Variants in ZNF385D observed in about 807,000 individuals in gnomAD.
The protein encoded by ZNF385D is zinc finger protein 385D, also known as zinc finger protein 659.
ZNF385D carries 15 observed loss-of-function variants against 35.8 expected under a neutral mutation model. That is an observed-to-expected ratio of 0.42 (90% CI 0.28 to 0.64). The LOEUF is 0.64. Among genes scored for constraint, ZNF385D ranks in the 30% least tolerant of loss-of-function variants. The pLI is 0.23. For missense variants in ZNF385D, 474 were observed against 494.6 expected (o/e 0.96, Z 0.39); for synonymous variants, 212 against 186.8 (o/e 1.13, Z -1.10).
intron 3 of ZNF385D, among the ~76,000 whole-genome samples, chr3:21,969,443 A>G (rs1362848285): frequency 6.6e-6 from 1 of 152,100 alleles, no homozygotes; most frequent in East Asian, 1.9e-4. Flanking sequence ...AGGAGGTCCT[A>G]GCTTTCTCTT....
chr3:21,798,864 A>G (rs1477270497), intron 3 of ZNF385D, among the ~76,000 whole-genome samples: 1 of 152,212 alleles, frequency 6.6e-6, no homozygotes, highest in African/African-American at 2.4e-5. Flanking sequence ...AGCATTTACT[A>G]AATTCACAAT....
At chr3:22,372,539 CGCCCTG>C in exon 2 of ZNF385D, 1 of 985,862 alleles carries the variant, frequency 1.0e-6, no homozygotes, top group Non-Finnish European at 1.2e-6. Context: ...GGCCGCCCGG[CGCCCTG>C]GCCCTGGCAT....
chr3:22,064,600 T>A (rs1372680532), intron 3 of ZNF385D, among the ~76,000 whole-genome samples: 1 of 152,178 alleles, frequency 6.6e-6, no homozygotes, highest in Non-Finnish European at 1.5e-5. Flanking sequence ...GGATTGCTAT[T>A]CAACCTTATA....
intron 3 of ZNF385D, among the ~76,000 whole-genome samples, chr3:22,154,853 C>G (rs1388291918): frequency 1.3e-5 from 2 of 152,086 alleles, no homozygotes; most frequent in African/African-American, 2.4e-5. Context: ...CCTAATAACA[C>G]CACCTCTCCA....
intron 2 of ZNF385D, among the ~76,000 whole-genome samples, chr3:21,632,165 G>A (rs923317642): frequency 2.0e-5 from 3 of 151,916 alleles, no homozygotes; most frequent in African/African-American, 7.3e-5. Context: ...AAAAATGGGG[G>A]GAAACTTACA....
chr3:21,655,111 A>AAACAAC lies in ZNF385D; in HGVS notation c.165+9769_165+9774dup, dbSNP rs961956338. Among the ~76,000 whole-genome samples, 4 of 151,502 alleles carry AAACAAC rather than the reference A, an allele frequency of 2.6e-5. No individual in the cohort carries two copies. The South Asian group carries it at 6.2e-4, about 24-fold the overall frequency. ...AGAAATCACCTTGGGGAAGTGCAAA[A>AAACAAC]AACAACAACAACAACAACAAAATGC... On this transcript the variant is annotated intron_variant, in intron 2 of 7. Transcript: ENST00000281523.
intron 2 of ZNF385D, among the ~76,000 whole-genome samples, chr3:22,172,225 T>C (rs534495906): frequency 6.6e-6 from 1 of 152,208 alleles, no homozygotes; most frequent in Non-Finnish European, 1.5e-5. Context: ...ATTTAACATG[T>C]TCAAGAACTG....
chr3:22,194,694 A>G (rs924099625), intron 2 of ZNF385D, among the ~76,000 whole-genome samples: 1 of 151,872 alleles, frequency 6.6e-6, no homozygotes, highest in Non-Finnish European at 1.5e-5. Context: ...GGCAATTACT[A>G]ATCTGTTCTA....
intron 2 of ZNF385D, among the ~76,000 whole-genome samples, chr3:22,208,603 A>G (rs1369754911): frequency 1.3e-5 from 2 of 151,802 alleles, no homozygotes; most frequent in African/African-American, 4.8e-5. Context: ...TGCTTGATGT[A>G]ATGAATACCT....
chr3:21,613,406 G>GA lies in ZNF385D; in HGVS notation c.166-48723dup, dbSNP rs904765472. On this transcript the variant is annotated intron_variant, in intron 2 of 7. Coordinates refer to ENST00000281523, the MANE Select transcript of ZNF385D (RefSeq NM_024697.3). ...CTTACTTATTTTTTTGGCGGTTTTA[G>GA]AAAAAAAAAAAAGTGACCATGTGAA... Among the ~76,000 whole-genome samples, 974 of 143,172 alleles carry GA rather than the reference G, an allele frequency of 6.8e-3. 9 individuals carry two copies. Among genetic ancestry groups the GA allele is most frequent in the African/African-American group, 0.017 (673 of 39,326 alleles). 93.9% of individuals were successfully genotyped at this position (143,172 alleles called of 152,430 possible).
At chr3:22,230,441 T>C (rs1218405944) in intron 2 of ZNF385D, among the ~76,000 whole-genome samples, 2 of 152,116 alleles carry the variant, frequency 1.3e-5, no homozygotes, top group African/African-American at 4.8e-5. Context: ...CCCTGGAGTT[T>C]TCTTAGTTCC....
At chr3:21,863,498 A>G (rs1053161708) in intron 3 of ZNF385D, among the ~76,000 whole-genome samples, 1 of 152,172 alleles carries the variant, frequency 6.6e-6, no homozygotes, top group African/African-American at 2.4e-5. Flanking sequence ...AAATAGAAAT[A>G]GAATGTAAAT....
At chr3:21,871,137 G>A (rs572120296) in intron 3 of ZNF385D, among the ~76,000 whole-genome samples, 28 of 152,114 alleles carry the variant, frequency 1.8e-4, no homozygotes, top group Non-Finnish European at 2.9e-4. Context: ...TATTCTGGCA[G>A]TATCGGGTCA....
At chr3:21,484,455 TC>T (rs2125387764) in intron 4 of ZNF385D, among the ~76,000 whole-genome samples, 1 of 152,300 alleles carries the variant, frequency 6.6e-6, no homozygotes, top group African/African-American at 2.4e-5. Flanking sequence ...TCAGTGAACA[TC>T]CAAGACCAAG....
At chr3:22,015,919 CT>C (rs543139551) in intron 3 of ZNF385D, among the ~76,000 whole-genome samples, 9 of 152,056 alleles carry the variant, frequency 5.9e-5, no homozygotes, top group African/African-American at 2.2e-4. Context: ...AAAAAGACAT[CT>C]TTTTTCTGTG....
rs191404585 is a variant in ZNF385D, at chr3:22,350,209, T to C, written c.106+22241A>G. Among the ~76,000 whole-genome samples, 26 of 152,290 alleles carry C rather than the reference T, an allele frequency of 1.7e-4. 1 individual carries two copies. In the East Asian group the frequency reaches 4.6e-3, roughly 27 times the overall value. On this transcript the variant is annotated intron_variant, in intron 2 of 5. Transcript: ENST00000494108. ...GGAAAAATTCATAACTGTTTCAACA[T>C]GTTAATATTAGTTGCTTATAACTGT... is the stretch of plus-strand genomic sequence containing the variant.
At chr3:22,370,829 AT>A (rs1189002380) in intron 2 of ZNF385D, among the ~76,000 whole-genome samples, 1 of 152,212 alleles carries the variant, frequency 6.6e-6, no homozygotes, top group East Asian at 1.9e-4. Context: ...AGGTGTTATT[AT>A]TATTAGGTAA....
intron 3 of ZNF385D, among the ~76,000 whole-genome samples, chr3:22,102,922 C>A (rs866560804): frequency 3.4e-5 from 5 of 147,938 alleles, no homozygotes; most frequent in African/African-American, 1.0e-4. Context: ...CAAGTTCTCA[C>A]GTATGTCCCT....
At chr3:21,718,425 T>C (rs1045047856) in intron 1 of ZNF385D, among the ~76,000 whole-genome samples, 3 of 152,260 alleles carry the variant, frequency 2.0e-5, no homozygotes, top group Non-Finnish European at 4.4e-5. Flanking sequence ...CAGCCATCTG[T>C]AGCCACCAGC....
Sources: allele counts gnomAD v4.1 joint callset (sites outside exome capture counted in the v4.1 genomes callset), GRCh38; gene constraint gnomAD v4.1.1; transcripts MANE v1.5; gene names NCBI Gene and HGNC (gene_info 2026-07-23, HGNC 2026-07-21).